Variants in PDXDC1 observed in about 807,000 individuals in gnomAD.
PDXDC1 encodes pyridoxal dependent decarboxylase domain containing 1, also known as pyridoxal-dependent decarboxylase domain-containing protein 1.
PDXDC1 carries 42 observed loss-of-function variants against 100.1 expected under a neutral mutation model. The observed-to-expected ratio is 0.42, with a 90% CI of 0.33 to 0.54. The LOEUF (loss-of-function observed/expected upper bound fraction) is 0.54. Among genes scored for constraint, PDXDC1 ranks in the 20% least tolerant of loss-of-function variants. The probability of loss-of-function intolerance (pLI) is 0.10; values close to 1 mark genes in which losing one functional copy is unlikely to be tolerated. For synonymous variants in PDXDC1, 260 were observed against 371.7 expected (o/e 0.70, Z 3.46); for missense variants, 636 against 979.2 (o/e 0.65, Z 4.68).
intron 8 of PDXDC1, among the ~76,000 whole-genome samples, chr16:15,015,183 C>T (rs1398441884): frequency 6.6e-6 from 1 of 152,238 alleles, no homozygotes; most frequent in African/African-American, 2.4e-5. Flanking sequence ...CCTTGTGATC[C>T]ACCCGCCTGG....
intron 13 of PDXDC1, among the ~76,000 whole-genome samples, chr16:15,023,287 G>C (rs561935625): frequency 1.3e-5 from 2 of 152,296 alleles, no homozygotes; most frequent in Non-Finnish European, 2.9e-5. Flanking sequence ...TAAGGACTTA[G>C]GAGAGAATGG....
At chr16:15,133,713 G>A (rs1226108946) in intron 16 of PDXDC1, 17 of 1,603,262 alleles carry the variant, frequency 1.1e-5, no homozygotes, top group South Asian at 3.3e-5. Flanking sequence ...CCTGAGGGAC[G>A]GTCCCCATGG....
chr16:15,023,168 T>A (rs2042333660), intron 13 of PDXDC1, among the ~76,000 whole-genome samples: 1 of 152,296 alleles, frequency 6.6e-6, no homozygotes, highest in African/African-American at 2.4e-5. Flanking sequence ...CAGTTTTCAT[T>A]TGCATGAAGT....
At chr16:15,141,074 AGC>A (rs2048466767), downstream of PDXDC1, among the ~76,000 whole-genome samples, 3 of 145,772 alleles carry the variant, frequency 2.1e-5, no homozygotes, top group Admixed American at 7.4e-5. Context: ...GCACCCGCCC[AGC>A]CCCTGCCAGT....
intron 16 of PDXDC1, chr16:15,129,999 TGGC>T (rs2047962816): frequency 1.0e-6 from 1 of 964,270 alleles, no homozygotes; most frequent in Non-Finnish European, 1.6e-6. Context: ...TTGTGCAGGA[TGGC>T]GGCCATGACC....
At position 15,037,958 on chromosome 16, in the gene PDXDC1, G is replaced by T; in HGVS notation, c.*1683G>T. On this transcript the variant is annotated 3_prime_UTR_variant, in exon 23 of 23. Transcript: ENST00000396410. ...TAAGACCCAACAGATGTAGGATCCA[G>T]ATCTGGATTCGTGCCAGCCCCACCA... 9.0e-7 allele frequency: 1 copy of T among 1,111,426 alleles called. No individual in the cohort carries two copies. The highest frequency in any genetic ancestry group is 1.3e-6 in the Non-Finnish European group (1 of 746,878). The allele number at this position is 1,111,426 out of a possible 1,614,324, so 68.8% of individuals were successfully genotyped here. A position where few individuals can be genotyped will look rare whatever the true frequency, so the allele number is the denominator to read the frequency against.
At chr16:15,137,629 C>T (rs2048390219) in intron 16 of PDXDC1, 1 of 1,345,014 alleles carries the variant, frequency 7.4e-7, no homozygotes, top group Admixed American at 2.0e-5. Flanking sequence ...CACAGGCTCC[C>T]ATGCTGTTCC....
chr16:14,988,191 T>C (rs1969860758), intron 1 of PDXDC1: 1 of 1,606,984 alleles, frequency 6.2e-7, no homozygotes, highest in East Asian at 2.2e-5. Context: ...CCCTTGCTCC[T>C]GGCAGTGGGA....
chr16:15,095,761 A>C (rs2046332451), intron 16 of PDXDC1, among the ~76,000 whole-genome samples: 1 of 151,874 alleles, frequency 6.6e-6, no homozygotes, highest in South Asian at 2.1e-4. Flanking sequence ...GAGGCAGGAG[A>C]ATAGTTTGAA....
At chr16:15,073,068 T>C in intron 16 of PDXDC1, 2 of 1,610,426 alleles carry the variant, frequency 1.2e-6, no homozygotes, top group Non-Finnish European at 1.7e-6. Flanking sequence ...TGTTTTGCCG[T>C]TATCAACCTT....
intron 5 of PDXDC1, among the ~76,000 whole-genome samples, chr16:15,005,550 C>T (rs1974082738): frequency 1.3e-5 from 2 of 152,378 alleles, no homozygotes; most frequent in South Asian, 4.1e-4. Flanking sequence ...AAGAACTTGG[C>T]CAAGCAGGAG....
chr16:15,089,959 A>G (rs1394131796), intron 16 of PDXDC1, among the ~76,000 whole-genome samples: 1 of 151,978 alleles, frequency 6.6e-6, no homozygotes, highest in Non-Finnish European at 1.5e-5. Context: ...TTGTAATCCC[A>G]GCACTTTGGG....
At chr16:15,117,282 A>G (rs1181090792) in intron 16 of PDXDC1, among the ~76,000 whole-genome samples, 2 of 78,048 alleles carry the variant, frequency 2.6e-5, no homozygotes, top group African/African-American at 5.3e-5. Context: ...TAAATAAATA[A>G]ATAAATAAAA....
At chr16:15,098,387 G>A (rs1471045845) in intron 16 of PDXDC1, among the ~76,000 whole-genome samples, 1 of 151,510 alleles carries the variant, frequency 6.6e-6, no homozygotes, top group African/African-American at 2.4e-5. Context: ...TTTTAGTAGA[G>A]ATGGGGTTTC....
chr16:15,095,705 G>T (rs2046330245), intron 16 of PDXDC1, among the ~76,000 whole-genome samples: 1 of 151,936 alleles, frequency 6.6e-6, no homozygotes, highest in African/African-American at 2.4e-5. Context: ...TACAAAATTA[G>T]CCAGGCATGG....
downstream of PDXDC1, among the ~76,000 whole-genome samples, chr16:15,041,371 C>T (rs561290161): frequency 1.9e-4 from 29 of 152,196 alleles, no homozygotes; most frequent in African/African-American, 5.3e-4. Flanking sequence ...GTCTGCCACA[C>T]GGGTGGCAGC....
At chr16:14,983,040 A>G (rs1968358767) in intron 1 of PDXDC1, among the ~76,000 whole-genome samples, 1 of 152,250 alleles carries the variant, frequency 6.6e-6, no homozygotes, top group Non-Finnish European at 1.5e-5. Context: ...TATGGTATAA[A>G]CTAGCATCTC....
chr16:15,110,160 AAG>A (rs914473387), intron 16 of PDXDC1, among the ~76,000 whole-genome samples: 3 of 150,066 alleles, frequency 2.0e-5, no homozygotes, highest in African/African-American at 4.8e-5. Flanking sequence ...AAAAAAAAAA[AAG>A]AGAGAGAGAG....
In PDXDC1 at chr16:15,029,076, A is replaced by G. The variant is rs371154851; in HGVS notation, c.1293+110A>G. On this transcript the variant is annotated intron_variant, in intron 15 of 22. Transcript: ENST00000396410. ...TATGGGAACTGAGGCCCACAGGAGG[A>G]GCCGCCCTGCCAGTGCTGGGCCTGC... is the stretch of plus-strand genomic sequence containing the variant. 2.1e-5 allele frequency: 27 copies of G among 1,258,612 alleles called. No homozygotes were observed. In the South Asian group the frequency reaches 2.6e-4, roughly 12 times the overall value. The allele number at this position is 1,258,612 out of a possible 1,614,324, so 78.0% of individuals were successfully genotyped here.
Sources: allele counts gnomAD v4.1 joint callset (sites outside exome capture counted in the v4.1 genomes callset), GRCh38; gene constraint gnomAD v4.1.1; transcripts MANE v1.5; gene names NCBI Gene and HGNC (gene_info 2026-07-23, HGNC 2026-07-21).